Variants in EXOC6B observed in about 807,000 individuals in gnomAD.
The protein encoded by EXOC6B is SEC15 homolog B.
EXOC6B carries 54 observed loss-of-function variants against 113.5 expected under a neutral mutation model. The observed-to-expected ratio is 0.48, with a 90% CI of 0.38 to 0.60. The LOEUF (loss-of-function observed/expected upper bound fraction) is 0.60, where lower values mean the gene tolerates loss of function less well. EXOC6B is among the 20% of genes least tolerant of loss of function. The probability of loss-of-function intolerance (pLI) is 0.00; values close to 1 mark genes in which losing one functional copy is unlikely to be tolerated. For synonymous variants in EXOC6B, 357 were observed against 339.0 expected, an observed-to-expected ratio of 1.05 and a Z score of -0.58; for missense variants, 797 against 977.5, an observed-to-expected ratio of 0.82 and a Z score of 2.46.
At chr2:72,812,941 T>TTA (rs1686004138) in intron 1 of EXOC6B, among the ~76,000 whole-genome samples, 1 of 152,036 alleles carries the variant, frequency 6.6e-6, no homozygotes, top group Non-Finnish European at 1.5e-5. Flanking sequence ...AAAGACCCTT[T>TTA]TAAGAGGGTA....
chr2:72,524,429 TC>T (rs1209691195), intron 8 of EXOC6B, among the ~76,000 whole-genome samples: 1 of 152,106 alleles, frequency 6.6e-6, no homozygotes, highest in African/African-American at 2.4e-5. Context: ...TTCACAGTGT[TC>T]CCATGACAAG....
Position 72,515,084 on chromosome 2 carries a change from G to A in EXOC6B, c.958C>T (p.Arg320Ter), listed in dbSNP as rs780738967. 6.2e-6 allele frequency: 10 copies of A among 1,607,706 alleles called. No homozygotes were observed. The highest frequency in any genetic ancestry group is 2.2e-5 in the East Asian group (1 of 44,792). ...TFENYYRKQRRKQARLVLQPP... is the reference protein window; with the variant it reads ...TFENYYRKQR ...TGAAGTACCAAACGAGCCTGTTTTC[G>A]CCTCTGTTTTCGGTAGTAATTCTCA... Residue 320 changes from arginine (R) to a stop codon, truncating the protein, a stop_gained, in exon 9 of 22, where the codon CGA (arginine) becomes TGA (stop). Coordinates refer to ENST00000272427, the MANE Select transcript of EXOC6B (RefSeq NM_015189.3). LOFTEE classifies it high-confidence loss of function.
chr2:72,413,553 C>G (rs573308409), intron 18 of EXOC6B, among the ~76,000 whole-genome samples: 3 of 151,196 alleles, frequency 2.0e-5, no homozygotes, highest in African/African-American at 7.3e-5. Context: ...TGTAGTGGTA[C>G]GCACCTGTAA....
chr2:72,328,778 A>T (rs1212185017), intron 20 of EXOC6B, among the ~76,000 whole-genome samples: 2 of 152,062 alleles, frequency 1.3e-5, no homozygotes, highest in South Asian at 4.1e-4. Flanking sequence ...CCTGGATTTC[A>T]TTTCTCATCT....
At chr2:72,461,964 C>T (rs1011136521) in intron 18 of EXOC6B, 1 of 151,744 alleles carries the variant, frequency 6.6e-6, no homozygotes, top group Non-Finnish European at 1.5e-5. Flanking sequence ...CATTTTTTAC[C>T]AAATATTGTC....
chr2:72,680,763 C>T (rs1349306199), intron 6 of EXOC6B, among the ~76,000 whole-genome samples: 6 of 151,604 alleles, frequency 4.0e-5, no homozygotes, highest in Non-Finnish European at 7.4e-5. Flanking sequence ...AAAAAAGGAG[C>T]ACTCCAATCT....
At chr2:72,663,710 G>A (rs1675183411) in intron 6 of EXOC6B, among the ~76,000 whole-genome samples, 1 of 151,552 alleles carries the variant, frequency 6.6e-6, no homozygotes, top group Non-Finnish European at 1.5e-5. Flanking sequence ...GGAGGGGGAG[G>A]GATGAAGAGG....
In EXOC6B at chr2:72,718,143, C is replaced by T. The variant is rs756368454; in HGVS notation, c.629G>A (p.Arg210His). 3.1e-6 allele frequency: 5 copies of T among 1,612,916 alleles called. No homozygotes were observed. The highest frequency in any genetic ancestry group is 1.6e-4 in the Middle Eastern group (1 of 6,076). ...SDLKDFLESI[R>H]KHSDKIGETA... is the part of the protein sequence containing the mutation. Reference sequence around the variant, plus strand: ...CTCTCCAATTTTGTCTGAATGTTTGCGGATGCTCTCCAGAAAGTCTTTGAG... The same window carrying T: ...CTCTCCAATTTTGTCTGAATGTTTGTGGATGCTCTCCAGAAAGTCTTTGAG... Residue 210 changes from arginine to histidine, a missense_variant, in exon 6 of 22, where the codon CGC becomes CAC. Arg to His is a conservative substitution (Grantham distance 29, BLOSUM62 0). Transcript: ENST00000272427.
intron 6 of EXOC6B, among the ~76,000 whole-genome samples, chr2:72,608,916 A>C (rs1670900922): frequency 1.3e-5 from 2 of 152,112 alleles, no homozygotes; most frequent in South Asian, 4.1e-4. Context: ...AAAAGAAATA[A>C]ATCTACCATG....
chr2:72,526,580 G>A (rs1487589419), intron 8 of EXOC6B, among the ~76,000 whole-genome samples: 1 of 151,900 alleles, frequency 6.6e-6, no homozygotes, highest in Non-Finnish European at 1.5e-5. Flanking sequence ...GAGGGTTGGG[G>A]AAATCTCGTA....
chr2:72,416,938 C>T (rs898563843), intron 18 of EXOC6B, among the ~76,000 whole-genome samples: 2 of 152,036 alleles, frequency 1.3e-5, no homozygotes, highest in African/African-American at 2.4e-5. Flanking sequence ...CATACTCGTT[C>T]GGTACATTGT....
chr2:72,807,648 G>A (rs1685653256), intron 1 of EXOC6B, among the ~76,000 whole-genome samples: 1 of 152,072 alleles, frequency 6.6e-6, no homozygotes, highest in African/African-American at 2.4e-5. Context: ...ATATACAATG[G>A]AGTACTATTC....
chr2:72,601,513 A>G (rs1444208201), intron 6 of EXOC6B, among the ~76,000 whole-genome samples: 1 of 152,138 alleles, frequency 6.6e-6, no homozygotes, highest in Non-Finnish European at 1.5e-5. Flanking sequence ...AAAAGCAACA[A>G]TAACAAATGC....
intron 19 of EXOC6B, among the ~76,000 whole-genome samples, chr2:72,365,077 G>A (rs770242525): frequency 2.0e-5 from 3 of 151,974 alleles, no homozygotes; most frequent in South Asian, 2.1e-4. Context: ...GGAATGTGGC[G>A]GGCAACTTAT....
chr2:72,512,716 T>C (rs1701005658), intron 11 of EXOC6B, among the ~76,000 whole-genome samples: 2 of 152,016 alleles, frequency 1.3e-5, no homozygotes, highest in Admixed American at 6.6e-5. Flanking sequence ...TGGGTTTCAA[T>C]CCGACTTCTA....
intron 8 of EXOC6B, among the ~76,000 whole-genome samples, chr2:72,553,995 T>TTA (rs1703391831): frequency 6.6e-6 from 1 of 152,154 alleles, no homozygotes; most frequent in Admixed American, 6.5e-5. Context: ...TACAAAAAGT[T>TTA]TATAAAGACA....
chr2:72,690,330 A>C (rs898308640), intron 6 of EXOC6B, among the ~76,000 whole-genome samples: 1 of 152,186 alleles, frequency 6.6e-6, no homozygotes, highest in Non-Finnish European at 1.5e-5. Context: ...ATTTATTTCC[A>C]TGAGAAAAAT....
At chr2:72,197,572 A>G (rs1679249151) in intron 20 of EXOC6B, among the ~76,000 whole-genome samples, 1 of 152,036 alleles carries the variant, frequency 6.6e-6, no homozygotes, top group African/African-American at 2.4e-5. Flanking sequence ...TGGCAGTAGC[A>G]TACAAGATGG....
rs376685086 is a variant in EXOC6B at position 72,209,675 on chromosome 2, A to C, written c.2197-25488T>G. Reference sequence around the variant, plus strand: ...CCCAGTGCAGACCTATGCTTATAGCAGAAAAAAACAAATGGCTCCTTTAAA... The same window carrying C: ...CCCAGTGCAGACCTATGCTTATAGCCGAAAAAAACAAATGGCTCCTTTAAA... On this transcript the variant is annotated intron_variant, in intron 20 of 21. Coordinates refer to ENST00000272427, the MANE Select transcript of EXOC6B (RefSeq NM_015189.3). Among the ~76,000 whole-genome samples the C allele has an allele frequency of 2.0e-5, 3 of 152,334 alleles. No individual in the cohort carries two copies. The East Asian group carries it at 5.8e-4, about 29-fold the overall frequency.
Sources: allele counts gnomAD v4.1 joint callset (sites outside exome capture counted in the v4.1 genomes callset), GRCh38; gene constraint gnomAD v4.1.1; transcripts MANE v1.5; gene names NCBI Gene and HGNC (gene_info 2026-07-23, HGNC 2026-07-21).